The following TENM2 variants were observed in gnomAD, a reference collection of about 807,000 sequenced individuals.
The protein encoded by TENM2 is teneurin transmembrane protein 2.
TENM2 carries 52 observed loss-of-function variants against 245.2 expected under a neutral mutation model. The observed-to-expected ratio is 0.21, with a 90% CI of 0.17 to 0.27. The LOEUF is 0.27. Ranked by LOEUF, TENM2 falls within the 10% of genes least tolerant of loss-of-function variation. The pLI is 1.00. For missense variants in TENM2, 3,046 were observed against 3,666.8 expected (o/e 0.83, Z 4.37); for synonymous variants, 1,363 against 1,438.9 (o/e 0.95, Z 1.19).
the TENM2 span, among the ~76,000 whole-genome samples, chr5:167,159,474 G>A: frequency 6.6e-6 from 1 of 152,084 alleles, no homozygotes; most frequent in Non-Finnish European, 1.5e-5. Context: ...GAGTGAATAA[G>A]TGTTTTCACC....
intron 2 of TENM2, among the ~76,000 whole-genome samples, chr5:167,477,370 T>C (rs901303138): frequency 6.6e-5 from 10 of 150,934 alleles, no homozygotes; most frequent in African/African-American, 2.0e-4. Context: ...GTCAACACAA[T>C]GAAAAAGACA....
chr5:168,140,762 C>G (rs1004613014), intron 12 of TENM2, among the ~76,000 whole-genome samples: 3 of 152,172 alleles, frequency 2.0e-5, no homozygotes, highest in Non-Finnish European at 4.4e-5. Flanking sequence ...TGCTTGGGAA[C>G]CCTGTGTCCC....
intron 25 of TENM2, among the ~76,000 whole-genome samples, chr5:168,238,189 G>A (rs1374644639): frequency 3.7e-5 from 2 of 53,372 alleles, no homozygotes; most frequent in South Asian, 8.4e-4. Flanking sequence ...GAGAGAGGGA[G>A]GGAGGGAGGG....
chr5:167,432,472 A>G (rs932901216), intron 2 of TENM2, among the ~76,000 whole-genome samples: 3 of 151,754 alleles, frequency 2.0e-5, no homozygotes, highest in Admixed American at 6.6e-5. Context: ...TTAGTGCCCA[A>G]TTTGTTTCTC....
At chr5:167,652,817 T>C (rs555131821) in intron 2 of TENM2, among the ~76,000 whole-genome samples, 14 of 152,306 alleles carry the variant, frequency 9.2e-5, no homozygotes, top group Admixed American at 1.3e-4. Context: ...CTCTGAGTCA[T>C]CTAACTTCTC....
intron 1 of TENM2, among the ~76,000 whole-genome samples, chr5:167,338,864 C>G (rs900283687): frequency 2.0e-5 from 3 of 152,178 alleles, no homozygotes; most frequent in African/African-American, 7.2e-5. Flanking sequence ...TCACACGTGA[C>G]AGAAAGAGAG....
At chr5:168,262,650 G>A (rs1768316122) in exon 29 of TENM2, 1 of 1,603,002 alleles carries the variant, frequency 6.2e-7, no homozygotes, top group Non-Finnish European at 8.5e-7. Context: ...AGAGAGGGGA[G>A]CCGCCTGTGG....
Position 167,930,973 on chromosome 5 carries a change from G to T in TENM2, c.713-21615G>T, listed in dbSNP as rs76605462. ...TTGTCAGTGCCACCTTTAGCCAAGA[G>T]GAGTTATTTGCCTTTAATTCTTACA... On this transcript the variant is annotated intron_variant, in intron 3 of 28. Transcript: ENST00000518659. Among the ~76,000 whole-genome samples the T allele has an allele frequency of 3.7e-4, 57 of 152,238 alleles. 1 individual carries two copies. Among genetic ancestry groups the T allele is most frequent in the African/African-American group, 1.4e-3 (57 of 41,540 alleles).
At chr5:168,023,514 G>C (rs1473418422) in intron 5 of TENM2, among the ~76,000 whole-genome samples, 1 of 152,194 alleles carries the variant, frequency 6.6e-6, no homozygotes, top group South Asian at 2.1e-4. Context: ...GCCCAGGCGG[G>C]GATGCGGGGC....
intron 12 of TENM2, among the ~76,000 whole-genome samples, chr5:168,135,430 T>C (rs1057295917): frequency 6.6e-6 from 1 of 152,228 alleles, no homozygotes; most frequent in African/African-American, 2.4e-5. Flanking sequence ...TTATTGCCTT[T>C]GGAAAATAGA....
intron 14 of TENM2, 64 bp from the exon 17 acceptor site, chr5:168,195,112 C>G: frequency 6.5e-7 from 1 of 1,544,056 alleles, no homozygotes; most frequent in South Asian, 1.2e-5. Flanking sequence ...GGAGCAGAGG[C>G]AGTGGGGAAT....
chr5:167,978,088 T>TCC (rs1244112375), intron 4 of TENM2, among the ~76,000 whole-genome samples: 19 of 152,226 alleles, frequency 1.2e-4, no homozygotes, highest in African/African-American at 4.6e-4. Flanking sequence ...CTGCCATGAT[T>TCC]GGAAGCTTCC....
At chr5:167,046,900 C>T in the TENM2 span, among the ~76,000 whole-genome samples, 1 of 151,862 alleles carries the variant, frequency 6.6e-6, no homozygotes, top group African/African-American at 2.4e-5. Context: ...GTTCCCCTCC[C>T]TGTGTCCATG....
chr5:167,023,807 A>G, the TENM2 span, among the ~76,000 whole-genome samples: 1 of 152,188 alleles, frequency 6.6e-6, no homozygotes, highest in Non-Finnish European at 1.5e-5. Flanking sequence ...GCACATATTA[A>G]TGTAAGTCTA....
intron 7 of TENM2, among the ~76,000 whole-genome samples, chr5:168,073,531 C>T (rs1442766426): frequency 6.6e-6 from 1 of 152,208 alleles, no homozygotes; most frequent in South Asian, 2.1e-4. Context: ...TTTTAGAACA[C>T]GCTCCGACAG....
chr5:167,016,286 A>AAC, the TENM2 span, among the ~76,000 whole-genome samples: 3 of 148,328 alleles, frequency 2.0e-5, no homozygotes, highest in African/African-American at 7.7e-5. Flanking sequence ...ACAAACAAAA[A>AAC]AAAAAAAAAA....
At chr5:167,757,535 A>T (rs570359780) in intron 2 of TENM2, among the ~76,000 whole-genome samples, 1 of 152,340 alleles carries the variant, frequency 6.6e-6, no homozygotes, top group South Asian at 2.1e-4. Flanking sequence ...TATTGTGAAT[A>T]GTGCTGCAAT....
At chr5:167,727,581 T>C (rs921191325) in intron 2 of TENM2, among the ~76,000 whole-genome samples, 2 of 152,256 alleles carry the variant, frequency 1.3e-5, no homozygotes, top group Non-Finnish European at 2.9e-5. Flanking sequence ...TTGTTCATGT[T>C]CACCTTGATC....
At chr5:168,038,207 C>T (rs1012131849) in intron 5 of TENM2, among the ~76,000 whole-genome samples, 20 of 152,174 alleles carry the variant, frequency 1.3e-4, no homozygotes, top group African/African-American at 4.8e-4. Flanking sequence ...AAATTCGTAA[C>T]AATTGCTTAT....
Sources: gnomAD v4.1 joint callset for allele counts (sites outside exome capture counted in the v4.1 genomes callset) on GRCh38, gnomAD v4.1.1 for gene constraint, MANE v1.5 for transcripts, NCBI Gene and HGNC (gene_info 2026-07-23, HGNC 2026-07-21) for gene names.